NET1: variants seen among roughly 807,000 people sequenced by gnomAD.
NET1 encodes neuroepithelial cell-transforming gene 1 protein.
NET1 carries 42 observed loss-of-function variants against 61.1 expected under a neutral mutation model. The observed-to-expected ratio is 0.69, with a 90% confidence interval of 0.54 to 0.89. The LOEUF is 0.89. Ranked by LOEUF, NET1 falls within the 40% of genes least tolerant of loss-of-function variation. The probability of loss-of-function intolerance (pLI) is 0.00; values close to 1 mark genes in which losing one functional copy is unlikely to be tolerated. For synonymous variants in NET1, 254 were observed against 281.8 expected, an observed-to-expected ratio of 0.90 and a Z score of 0.99; for missense variants, 654 against 747.3, an observed-to-expected ratio of 0.88 and a Z score of 1.46.
rs538477065 is a variant in NET1 at position 5,441,067 on chromosome 10, A to G, written c.256-10763A>G. ...AGAGAGGAGGCCCGTGCAGTGTCTA[A>G]TTAAGCTGTCACTACTGTGGGCAGT... On this transcript the variant is annotated intron_variant, in intron 3 of 11. Transcript: ENST00000355029. The surrounding 1 kb of genome is among the most constrained non-coding windows in gnomAD (Gnocchi z 4.6). Among the ~76,000 whole-genome samples, 1 of 152,352 alleles carries G rather than the reference A, an allele frequency of 6.6e-6. No homozygotes were observed. Among genetic ancestry groups the G allele is most frequent in the East Asian group, 1.9e-4 (1 of 5,178 alleles).
In NET1 at chr10:5,421,680, C is replaced by A. The variant is rs1003348601; in HGVS notation, c.129-4975C>A. 1.3e-5 allele frequency among the ~76,000 whole-genome samples: 2 copies of A among 152,182 alleles called. No individual in the cohort carries two copies. Among genetic ancestry groups the A allele is most frequent in the African/African-American group, 4.8e-5 (2 of 41,438 alleles). ...TGATTTGTATATCATAACATTCACCCTTTGTAGGTGAACAATTCAGTAATT... is the reference window on the plus strand; with the variant it reads ...TGATTTGTATATCATAACATTCACCATTTGTAGGTGAACAATTCAGTAATT... On this transcript the variant is annotated intron_variant, in intron 1 of 11. Transcript: ENST00000355029. This position sits in a 1 kb window ranked among gnomAD's most constrained non-coding sequence, Gnocchi z 4.2.
At chr10:5,442,312 C>T (rs1832533938) in intron 3 of NET1, among the ~76,000 whole-genome samples, 2 of 152,160 alleles carry the variant, frequency 1.3e-5, no homozygotes, top group Admixed American at 1.3e-4. Flanking sequence ...CTTCCCTAGT[C>T]TAATTTCCAA....
intron 3 of NET1, among the ~76,000 whole-genome samples, chr10:5,432,079 C>T (rs1490343120): frequency 6.6e-6 from 1 of 152,004 alleles, no homozygotes; most frequent in Admixed American, 6.6e-5. Context: ...TGCTCTATGC[C>T]TGGAATCAGT....
At chr10:5,413,670 G>A (rs1315506707) in intron 1 of NET1, among the ~76,000 whole-genome samples, 5 of 152,180 alleles carry the variant, frequency 3.3e-5, no homozygotes, top group African/African-American at 1.2e-4. Context: ...GATTAAGCTA[G>A]ATGAGGAATG....
chr10:5,434,510 G>C lies in NET1; in HGVS notation c.255+5281G>C, dbSNP rs537890803. Among the ~76,000 whole-genome samples the C allele has an allele frequency of 4.6e-5, 7 of 152,198 alleles. No individual in the cohort carries two copies. In the South Asian group the frequency reaches 1.2e-3, roughly 27 times the overall value. On this transcript the variant is annotated intron_variant, in intron 3 of 11. Transcript: ENST00000355029. ...AGACTAGTATGCCATTGAGGCTTCAGGGGAGGTTGAAGGGATTCTCCTGTT... is the reference window on the plus strand; with the variant it reads ...AGACTAGTATGCCATTGAGGCTTCACGGGAGGTTGAAGGGATTCTCCTGTT...
rs759987048 is a variant in NET1, at chr10:5,454,233, C to G, written c.769-32C>G. On this transcript the variant is annotated intron_variant, in intron 8 of 11. Coordinates refer to ENST00000355029, the MANE Select transcript of NET1 (RefSeq NM_001047160.3). This position sits in a 1 kb window ranked among gnomAD's most constrained non-coding sequence, Gnocchi z 8.1. ...TTAATGCACTCGGTCATAACAGGAA[C>G]ACATCATACCTTTTCTTTTATTACT... is the stretch of plus-strand genomic sequence containing the variant. 1 of 1,590,446 alleles carries G rather than the reference C, an allele frequency of 6.3e-7. No homozygotes were observed. Among genetic ancestry groups the G allele is most frequent in the South Asian group, 1.2e-5 (1 of 86,830 alleles).
rs2119215054 is a variant in NET1 at position 5,454,017 on chromosome 10, GTC to G, written c.769-246_769-245del. On this transcript the variant is annotated intron_variant, in intron 8 of 11. Coordinates refer to ENST00000355029, the MANE Select transcript of NET1 (RefSeq NM_001047160.3). The surrounding 1 kb of genome is among the most constrained non-coding windows in gnomAD (Gnocchi z 8.1). ...TGTCCTGGGAGCACAGACTGCCAGT[GTC>G]TGAGGTTGGAGGGGAGTAGAAGTCA... Among the ~76,000 whole-genome samples, 1 of 152,304 alleles carries G rather than the reference GTC, an allele frequency of 6.6e-6. No individual in the cohort carries two copies. Among genetic ancestry groups the G allele is most frequent in the Non-Finnish European group, 1.5e-5 (1 of 68,016 alleles).
In NET1 at chr10:5,455,019, C is replaced by T. The variant is rs147890293; in HGVS notation, c.1098C>T (p.Ile366=). The T allele has an allele frequency of 1.2e-4, 194 of 1,614,102 alleles. No individual in the cohort carries two copies. The East Asian group carries it at 1.9e-3, about 16-fold the overall frequency. Residue 366 remains isoleucine (I), a synonymous_variant, in exon 10 of 12, where the codon ATC becomes ATT. Coordinates refer to ENST00000355029, the MANE Select transcript of NET1 (RefSeq NM_001047160.3). This position sits in a 1 kb window ranked among gnomAD's most constrained non-coding sequence, Gnocchi z 6.5. ...KKGESECQYY[I]DKLEYLDEKQ... ...GTGAATCCGAGTGCCAGTATTACATCGACAAGCTGGAGTACCTGGATGAAA... is the reference window on the plus strand; with the variant it reads ...GTGAATCCGAGTGCCAGTATTACATTGACAAGCTGGAGTACCTGGATGAAA...
chr10:5,432,000 T>C lies in NET1; in HGVS notation c.255+2771T>C, dbSNP rs1333693370. On this transcript the variant is annotated intron_variant, in intron 3 of 11. Transcript: ENST00000355029. This position sits in a 1 kb window ranked among gnomAD's most constrained non-coding sequence, Gnocchi z 4.9. ...CTGTGTCCTTTTGACATGACCTTTA[T>C]CTCACATCTAGTGGCTTAATAGCCT... Among the ~76,000 whole-genome samples, 1 of 152,204 alleles carries C rather than the reference T, an allele frequency of 6.6e-6. No individual in the cohort carries two copies. Among genetic ancestry groups the C allele is most frequent in the Non-Finnish European group, 1.5e-5 (1 of 68,038 alleles).
intron 3 of NET1, among the ~76,000 whole-genome samples, chr10:5,436,960 TGG>T (rs1010159533): frequency 3.3e-4 from 51 of 152,258 alleles, no homozygotes; most frequent in African/African-American, 1.2e-3. Flanking sequence ...TATAAGAAAA[TGG>T]TGTTCTTGGC....
chr10:5,436,656 TTTATAA>T (rs1182075920), intron 3 of NET1, among the ~76,000 whole-genome samples: 1 of 152,188 alleles, frequency 6.6e-6, no homozygotes, highest in Non-Finnish European at 1.5e-5. Flanking sequence ...ATTGTGATTG[TTTATAA>T]TTATAATAAT....
rs1012341300 is a variant in NET1 at position 5,441,045 on chromosome 10, G to C, written c.256-10785G>C. ...GGGAACAAGCTGGAGAAGTGAAAGA[G>C]AGGAGGCCCGTGCAGTGTCTAATTA... On this transcript the variant is annotated intron_variant, in intron 3 of 11. Coordinates refer to ENST00000355029, the MANE Select transcript of NET1 (RefSeq NM_001047160.3). This position sits in a 1 kb window ranked among gnomAD's most constrained non-coding sequence, Gnocchi z 4.6. 1.3e-5 allele frequency among the ~76,000 whole-genome samples: 2 copies of C among 152,210 alleles called. No individual in the cohort carries two copies. Among genetic ancestry groups the C allele is most frequent in the African/African-American group, 4.8e-5 (2 of 41,446 alleles).
rs547163076 is a variant in NET1 at position 5,452,615 on chromosome 10, A to G, written c.531+90A>G. Reference sequence around the variant, plus strand: ...TAACTTGGATTTTTGTGTTTGAGCAACAATTCCTAATACATGGTGAACAAA... The same window carrying G: ...TAACTTGGATTTTTGTGTTTGAGCAGCAATTCCTAATACATGGTGAACAAA... On this transcript the variant is annotated intron_variant, in intron 5 of 11. Coordinates refer to ENST00000355029, the MANE Select transcript of NET1 (RefSeq NM_001047160.3). This position sits in a 1 kb window ranked among gnomAD's most constrained non-coding sequence, Gnocchi z 4.0. 7.5e-7 allele frequency: 1 copy of G among 1,335,956 alleles called. No individual in the cohort carries two copies. Among genetic ancestry groups the G allele is most frequent in the East Asian group, 2.4e-5 (1 of 41,634 alleles). 82.8% of individuals were successfully genotyped at this position (1,335,956 alleles called of 1,614,324 possible).
At chr10:5,432,126 T>G (rs541543122) in intron 3 of NET1, among the ~76,000 whole-genome samples, 72 of 152,226 alleles carry the variant, frequency 4.7e-4, no homozygotes, top group Non-Finnish European at 9.1e-4. Flanking sequence ...TGGGAAATGG[T>G]AGAGGCTAAA....
chr10:5,438,532 A>G (rs1341228864), intron 3 of NET1, among the ~76,000 whole-genome samples: 1 of 152,210 alleles, frequency 6.6e-6, no homozygotes, highest in East Asian at 1.9e-4. Context: ...ATCTACCAAG[A>G]CTGAATCATG....
chr10:5,451,218 G>T lies in NET1; in HGVS notation c.256-612G>T, dbSNP rs1241116231. Reference sequence around the variant, plus strand: ...TAGAGCCGGGATTTGTGCCCAGTCAGATTTCAGAGCCTGGGTGCTCTTTTA... The same window carrying T: ...TAGAGCCGGGATTTGTGCCCAGTCATATTTCAGAGCCTGGGTGCTCTTTTA... On this transcript the variant is annotated intron_variant, in intron 3 of 11. Coordinates refer to ENST00000355029, the MANE Select transcript of NET1 (RefSeq NM_001047160.3). This position sits in a 1 kb window ranked among gnomAD's most constrained non-coding sequence, Gnocchi z 6.1. Among the ~76,000 whole-genome samples, 1 of 152,196 alleles carries T rather than the reference G, an allele frequency of 6.6e-6. No individual in the cohort carries two copies. Among genetic ancestry groups the T allele is most frequent in the African/African-American group, 2.4e-5 (1 of 41,452 alleles).
chr10:5,429,105 T>C, intron 2 of NET1, 65 bp from the exon 3 acceptor site: 2 of 1,118,138 alleles, frequency 1.8e-6, no homozygotes, highest in East Asian at 4.8e-5. Flanking sequence ...TTTTATAGAG[T>C]CTTTGTTTTG....
rs1418951274 is a variant in NET1, at chr10:5,424,662, ATCT to A, written c.129-1989_129-1987del. 6.6e-6 allele frequency among the ~76,000 whole-genome samples: 1 copy of A among 152,144 alleles called. No homozygotes were observed. Among genetic ancestry groups the A allele is most frequent in the Non-Finnish European group, 1.5e-5 (1 of 68,010 alleles). Reference sequence around the variant, plus strand: ...CCATGAGTAGTCTTCCTGTGTTTTGATCTTCTCCAAATAATTATTTAGGAAATG... The same window carrying A: ...CCATGAGTAGTCTTCCTGTGTTTTGATCTCCAAATAATTATTTAGGAAATG... On this transcript the variant is annotated intron_variant, in intron 1 of 11. Transcript: ENST00000355029. The surrounding 1 kb of genome is among the most constrained non-coding windows in gnomAD (Gnocchi z 6.1).
chr10:5,436,248 A>ATTTTTT (rs1190534260), intron 3 of NET1, among the ~76,000 whole-genome samples: 1 of 18,420 alleles, frequency 5.4e-5, no homozygotes, highest in Non-Finnish European at 9.3e-5. Flanking sequence ...ATATATATAT[A>ATTTTTT]TTTTTTTTTT....
Sources: allele counts gnomAD v4.1 joint callset (sites outside exome capture counted in the v4.1 genomes callset), GRCh38; gene constraint gnomAD v4.1.1; non-coding constraint Gnocchi (gnomAD v3.1); transcripts MANE v1.5; gene names NCBI Gene and HGNC (gene_info 2026-07-23, HGNC 2026-07-21).